The following KIAA0753 variants were observed in gnomAD, a reference collection of about 807,000 sequenced individuals.
The protein encoded by KIAA0753 is KIAA0753.
Under a neutral mutation model 116.9 loss-of-function variants are expected in KIAA0753, and 114 were observed. The observed-to-expected ratio is 0.98, with a 90% confidence interval of 0.84 to 1.14. KIAA0753 has a LOEUF of 1.14. Ranked by LOEUF, KIAA0753 falls within the 50% of genes most tolerant of loss-of-function variation. The pLI, the probability that KIAA0753 is intolerant of heterozygous loss-of-function variation, is 0.00. For synonymous variants in KIAA0753, 405 were observed against 413.1 expected, an observed-to-expected ratio of 0.98 and a Z score of 0.24; for missense variants, 1,156 against 1,172.4, an observed-to-expected ratio of 0.99 and a Z score of 0.20.
chr17:6,633,078 A>G (rs1972103363), intron 2 of KIAA0753, among the ~76,000 whole-genome samples: 1 of 152,224 alleles, frequency 6.6e-6, no homozygotes, highest in African/African-American at 2.4e-5. Context: ...CTATGGTTAT[A>G]TAATAGAATT....
At chr17:6,598,007 C>A (rs1286797015) in intron 14 of KIAA0753, among the ~76,000 whole-genome samples, 1 of 152,212 alleles carries the variant, frequency 6.6e-6, no homozygotes, top group Non-Finnish European at 1.5e-5. Context: ...GCCCAGAATT[C>A]TAAATACTAC....
At chr17:6,630,681 A>G (rs992675162) in intron 2 of KIAA0753, among the ~76,000 whole-genome samples, 2 of 152,216 alleles carry the variant, frequency 1.3e-5, no homozygotes, top group Non-Finnish European at 2.9e-5. Context: ...CTGAGTCCCC[A>G]TGAAGGAGAG....
At chr17:6,605,087 T>TG (rs1970109284) in intron 12 of KIAA0753, among the ~76,000 whole-genome samples, 1 of 111,494 alleles carries the variant, frequency 9.0e-6, no homozygotes, top group African/African-American at 3.9e-5. Flanking sequence ...GTCTCTAACT[T>TG]GAAAAAAAAA....
intron 3 of KIAA0753, among the ~76,000 whole-genome samples, chr17:6,627,088 T>C (rs536957629): frequency 5.3e-5 from 8 of 152,228 alleles, no homozygotes; most frequent in Non-Finnish European, 8.8e-5. Flanking sequence ...GAGAAATTTC[T>C]TTCTGGCCTT....
At chr17:6,622,512 T>C (rs188531865) in intron 6 of KIAA0753, among the ~76,000 whole-genome samples, 19 of 152,364 alleles carry the variant, frequency 1.2e-4, no homozygotes, top group Middle Eastern at 3.4e-3. Context: ...TTTTCCAAAA[T>C]CCATCTAAAT....
intron 6 of KIAA0753, among the ~76,000 whole-genome samples, chr17:6,621,557 T>C (rs549692167): frequency 2.6e-4 from 40 of 152,300 alleles, no homozygotes; most frequent in African/African-American, 8.4e-4. Flanking sequence ...TAAGGACAAC[T>C]GAACACGGTC....
intron 16 of KIAA0753, among the ~76,000 whole-genome samples, chr17:6,592,767 T>C (rs1214467189): frequency 2.0e-5 from 3 of 152,178 alleles, no homozygotes; most frequent in African/African-American, 7.2e-5. Context: ...AAAGGTTTCT[T>C]AGGTCATAGA....
At chr17:6,623,698 G>T (rs1443379788) in intron 4 of KIAA0753, 127 bp from the exon 5 acceptor site, 3 of 1,337,898 alleles carry the variant, frequency 2.2e-6, no homozygotes, top group Non-Finnish European at 2.9e-6. Flanking sequence ...ACTTGAAAAT[G>T]AAAAAAAGGC....
chr17:6,632,643 C>G (rs1302742766), intron 2 of KIAA0753, among the ~76,000 whole-genome samples: 1 of 152,154 alleles, frequency 6.6e-6, no homozygotes. Flanking sequence ...AATGAAAAAA[C>G]CAGGCAGATA....
At chr17:6,595,719 G>A (rs551490215) in intron 15 of KIAA0753, among the ~76,000 whole-genome samples, 29 of 152,270 alleles carry the variant, frequency 1.9e-4, no homozygotes, top group African/African-American at 7.0e-4. Flanking sequence ...GGGTGAAGCA[G>A]TATCACAGAA....
intron 2 of KIAA0753, among the ~76,000 whole-genome samples, chr17:6,631,441 C>G (rs1450629497): frequency 6.6e-6 from 1 of 152,120 alleles, no homozygotes; most frequent in East Asian, 1.9e-4. Context: ...ATAATGATAG[C>G]CAGCTTTCAT....
At position 6,623,064 on chromosome 17, in the gene KIAA0753, G is replaced by A. The variant is rs764612557; in HGVS notation, c.922C>T (p.Arg308Ter). 1.2e-5 allele frequency: 20 copies of A among 1,613,738 alleles called. No homozygotes were observed. The highest frequency in any genetic ancestry group is 1.5e-5 in the Non-Finnish European group (18 of 1,180,000). The change falls in exon 6 of 19, where the codon CGA (arginine) becomes TGA (stop). Residue 308 changes from arginine to a stop codon, truncating the protein, a stop_gained. Coordinates refer to ENST00000361413, the MANE Select transcript of KIAA0753 (RefSeq NM_014804.3). LOFTEE classifies it high-confidence loss of function. ...WAMSKLAAAH[R>*]GAIRALQMFV... ...ATCTGTAAGGCCCGAATGGCTCCTC[G>A]ATGGGCAGCCGCCAGCTTAGACATT... is the stretch of plus-strand genomic sequence containing the variant.
At chr17:6,587,109 G>A (rs1219211080) in intron 18 of KIAA0753, among the ~76,000 whole-genome samples, 1 of 152,144 alleles carries the variant, frequency 6.6e-6, no homozygotes, top group Non-Finnish European at 1.5e-5. Flanking sequence ...GCCAGTACCT[G>A]TAATCCTAGC....
chr17:6,624,767 G>A lies in KIAA0753; in HGVS notation c.813C>T (p.Val271=), dbSNP rs755146747. 1.9e-6 allele frequency: 3 copies of A among 1,558,350 alleles called. No individual in the cohort carries two copies. The change falls in exon 4 of 19, where the codon GTC becomes GTT. Residue 271 remains valine (V), a synonymous_variant. Coordinates refer to ENST00000361413, the MANE Select transcript of KIAA0753 (RefSeq NM_014804.3). ...GAACTTTTCACACCTGCTGCTGGAGGACGTAGAGCATTCGGGCAGAGCGAG... is the reference window on the plus strand; with the variant it reads ...GAACTTTTCACACCTGCTGCTGGAGAACGTAGAGCATTCGGGCAGAGCGAG... The part of the protein sequence containing the change: ...QAARSARMLY[V]LQQQVKEIQE...
intron 6 of KIAA0753, 103 bp downstream of exon 6, chr17:6,622,777 AGG>A (rs1192611918): frequency 2.1e-6 from 2 of 934,248 alleles, no homozygotes; most frequent in African/African-American, 3.3e-5. Flanking sequence ...TTAATTCACT[AGG>A]TAATGGCTTT....
rs559652757 is a variant in KIAA0753 at position 6,596,314 on chromosome 17, G to A, written c.2202C>T (p.Asn734=). 4 of 1,418,980 alleles carry A rather than the reference G, an allele frequency of 2.8e-6. No homozygotes were observed. Among genetic ancestry groups the A allele is most frequent in the African/African-American group, 1.5e-5 (1 of 68,376 alleles). 87.9% of individuals were successfully genotyped at this position (1,418,980 alleles called of 1,614,324 possible). Residue 734 remains asparagine, a synonymous_variant, in exon 15 of 19, where the codon AAC becomes AAT. Transcript: ENST00000361413. Reference sequence around the variant, plus strand: ...CCAAAAAATCATCAAGCTGACGAATGTTGTTGGATTCAAAATCAACAGCTG... The same window carrying A: ...CCAAAAAATCATCAAGCTGACGAATATTGTTGGATTCAAAATCAACAGCTG... The part of the protein sequence containing the change: ...EVAAVDFESN[N]IRQLDDFLED...
intron 7 of KIAA0753, among the ~76,000 whole-genome samples, chr17:6,615,637 A>AAAAAAAAAC (rs1567569278): frequency 6.6e-6 from 1 of 150,574 alleles, no homozygotes; most frequent in African/African-American, 2.5e-5. Context: ...AAAAAAAAAA[A>AAAAAAAAAC]AAAAACCTAA....
intron 16 of KIAA0753, among the ~76,000 whole-genome samples, chr17:6,593,389 CGGG>C (rs1567543390): frequency 5.4e-4 from 82 of 150,826 alleles, no homozygotes; most frequent in African/African-American, 1.9e-3. Context: ...TTCGGGAGGC[CGGG>C]AGCAGTGGTT....
Position 6,612,306 on chromosome 17 carries a change from T to C in KIAA0753, c.1316-158A>G, listed in dbSNP as rs545464821. 2.2e-4 allele frequency among the ~76,000 whole-genome samples: 34 copies of C among 152,334 alleles called. No homozygotes were observed. In the South Asian group the frequency reaches 7.0e-3, roughly 32 times the overall value. On this transcript the variant is annotated intron_variant, in intron 7 of 18. Transcript: ENST00000361413. ...AACATTGTTCCTCCTCCTATGAATA[T>C]TACTGCAGGTTTATAAGCAGAAACC...
Sources: gnomAD v4.1 joint callset for allele counts (sites outside exome capture counted in the v4.1 genomes callset) on GRCh38, gnomAD v4.1.1 for gene constraint, MANE v1.5 for transcripts, NCBI Gene and HGNC (gene_info 2026-07-23, HGNC 2026-07-21) for gene names.